The following CCNT1 variants were observed in gnomAD, a reference collection of about 807,000 sequenced individuals.
The protein encoded by CCNT1 is cyclin T1.
In CCNT1, 18 loss-of-function variants were observed where a neutral mutation model predicts 67.3. That is an observed-to-expected ratio of 0.27 (90% CI 0.18 to 0.40). The LOEUF is 0.40. CCNT1 is among the 10% of genes least tolerant of loss of function. The pLI is 1.00. For missense variants in CCNT1, 744 were observed against 884.9 expected (o/e 0.84, Z 2.02); for synonymous variants, 333 against 310.3 (o/e 1.07, Z -0.77).
chr12:48,692,955 T>C lies in CCNT1; in HGVS notation c.*78A>G. 1 of 905,854 alleles carries C rather than the reference T, an allele frequency of 1.1e-6. No homozygotes were observed. The highest frequency in any genetic ancestry group is 1.6e-6 in the Non-Finnish European group (1 of 608,088). 56.1% of individuals were successfully genotyped at this position (905,854 alleles called of 1,614,324 possible). A position where few individuals can be genotyped will look rare whatever the true frequency, so the allele number is the denominator to read the frequency against. On this transcript the variant is annotated 3_prime_UTR_variant, in exon 9 of 9. Transcript: ENST00000261900. ...CAAGGATGACATATTTCATAAGTAA[T>C]TTTCTTAGTCCAAAAAAAAAAAAGA... is the stretch of plus-strand genomic sequence containing the variant.
intron 3 of CCNT1, among the ~76,000 whole-genome samples, chr12:48,702,563 T>A (rs371523460): frequency 6.6e-6 from 1 of 152,154 alleles, no homozygotes; most frequent in African/African-American, 2.4e-5. Context: ...AGCAGGTGTA[T>A]CACGAGGTCA....
chr12:48,699,565 A>G (rs1940231967), intron 5 of CCNT1, among the ~76,000 whole-genome samples: 1 of 152,248 alleles, frequency 6.6e-6, no homozygotes, highest in African/African-American at 2.4e-5. Flanking sequence ...AACATTCTCA[A>G]GAGGTTAGTT....
Position 48,716,704 on chromosome 12 carries a change from G to A in CCNT1, c.-29C>T, listed in dbSNP as rs755139436. On this transcript the variant is annotated 5_prime_UTR_variant, in exon 1 of 9. Coordinates refer to ENST00000261900, the MANE Select transcript of CCNT1 (RefSeq NM_001240.4). The stretch of plus-strand genomic sequence containing the variant: ...GCTTCAACCAGAAGGCAGCGGCGAA[G>A]GCTGCAGGCACTTCCCAGCGTCACC... The A allele has an allele frequency of 1.9e-6, 3 of 1,606,520 alleles. No individual in the cohort carries two copies. Among genetic ancestry groups the A allele is most frequent in the Admixed American group, 1.7e-5 (1 of 59,542 alleles).
Position 48,693,784 on chromosome 12 carries a change from G to A in CCNT1, c.1430C>T (p.Pro477Leu). The part of the protein sequence containing the change: ...AGGDKAASSK[P>L]EEIKMRIKVH... ...TTTTATGCGCATTTTTATCTCCTCTGGTTTTGAAGACGCAGCTTTATCTCC... is the reference window on the plus strand; with the variant it reads ...TTTTATGCGCATTTTTATCTCCTCTAGTTTTGAAGACGCAGCTTTATCTCC... The change falls in exon 9 of 9, where the codon CCA (proline) becomes CTA (leucine). Residue 477 changes from proline to leucine, a missense_variant. By Grantham distance (98) the Pro-to-Leu change is moderately conservative. Coordinates refer to ENST00000261900, the MANE Select transcript of CCNT1 (RefSeq NM_001240.4). 3 of 1,613,964 alleles carry A rather than the reference G, an allele frequency of 1.9e-6. No homozygotes were observed. Among genetic ancestry groups the A allele is most frequent in the Non-Finnish European group, 8.5e-7 (1 of 1,179,952 alleles).
intron 5 of CCNT1, 36 bp from the exon 6 acceptor site, chr12:48,698,219 GAA>G (rs770239664): frequency 2.5e-6 from 3 of 1,199,778 alleles, no homozygotes; most frequent in East Asian, 4.7e-5. Context: ...GGTGGGGGAG[GAA>G]AAAAGTTATT....
chr12:48,693,189 G>A lies in CCNT1; in HGVS notation c.2025C>T (p.Pro675=), dbSNP rs1404292748. The change falls in exon 9 of 9, where the codon CCC becomes CCT. Residue 675 remains proline (P), a synonymous_variant. Coordinates refer to ENST00000261900, the MANE Select transcript of CCNT1 (RefSeq NM_001240.4). ...HSLLSAQGVQ[P]TQPTAFEFVR... ...CAAATTCAAATGCAGTGGGCTGAGT[G>A]GGCTGAACACCCTGGGCACTGAGCA... 1 of 1,614,164 alleles carries A rather than the reference G, an allele frequency of 6.2e-7. No homozygotes were observed. The highest frequency in any genetic ancestry group is 2.2e-5 in the East Asian group (1 of 44,880).
intron 2 of CCNT1, among the ~76,000 whole-genome samples, chr12:48,712,182 T>C (rs1255635430): frequency 6.6e-6 from 1 of 152,178 alleles, no homozygotes; most frequent in Non-Finnish European, 1.5e-5. Context: ...TTTCAGGAGC[T>C]ATGTCTAGCT....
At chr12:48,710,215 A>AAC (rs372582392) in intron 2 of CCNT1, among the ~76,000 whole-genome samples, 1 of 151,944 alleles carries the variant, frequency 6.6e-6, no homozygotes, top group African/African-American at 2.4e-5. Flanking sequence ...TAATAAGAAA[A>AAC]ACACACACAC....
rs188018247 is a variant in CCNT1 at position 48,714,317 on chromosome 12, T to C, written c.243+126A>G. 9.9e-5 allele frequency: 62 copies of C among 624,766 alleles called. 1 individual carries two copies. The highest frequency in any genetic ancestry group is 1.4e-4 in the Non-Finnish European group (49 of 347,448). 38.7% of individuals were successfully genotyped at this position (624,766 alleles called of 1,614,324 possible). The stretch of plus-strand genomic sequence containing the variant: ...TTCAGAACAGCAACACAGCACATAA[T>C]GGAAGTGATCAACCCTAAATTCTAA... On this transcript the variant is annotated intron_variant, in intron 2 of 8. Transcript: ENST00000261900.
In CCNT1 at chr12:48,692,743, T is replaced by C; in HGVS notation, c.*290A>G. 1 of 273,146 alleles carries C rather than the reference T, an allele frequency of 3.7e-6. No homozygotes were observed. The highest frequency in any genetic ancestry group is 6.9e-6 in the Non-Finnish European group (1 of 144,454). 16.9% of individuals were successfully genotyped at this position (273,146 alleles called of 1,614,324 possible). A position where few individuals can be genotyped will look rare whatever the true frequency, so the allele number is the denominator to read the frequency against. On this transcript the variant is annotated 3_prime_UTR_variant, in exon 9 of 9. Coordinates refer to ENST00000261900, the MANE Select transcript of CCNT1 (RefSeq NM_001240.4). ...AGAAGAGGGAAGATATCAACTCCAA[T>C]CAACCTAATTAGATGGTGGAGAGGC...
At chr12:48,697,845 A>T (rs1395049328) in intron 6 of CCNT1, 1 of 88,372 alleles carries the variant, frequency 1.1e-5, no homozygotes, top group Non-Finnish European at 2.3e-5. Context: ...AATTTAAAAA[A>T]AAAAAAAAAA....
chr12:48,698,352 T>G (rs1357674444), intron 5 of CCNT1, among the ~76,000 whole-genome samples, 169 bp from the exon 6 acceptor site: 2 of 152,178 alleles, frequency 1.3e-5, no homozygotes, highest in South Asian at 2.1e-4. Flanking sequence ...TCTGCCAAAG[T>G]AGACAGATCA....
rs956070965 is a variant in CCNT1 at position 48,693,031 on chromosome 12, T to G, written c.*2A>C. ...TTTTTTTCTCCTCTTCTTTTTCTTT[T>G]TTTACTTAGGAAGGGGTGGAAGTGG... is the stretch of plus-strand genomic sequence containing the variant. On this transcript the variant is annotated 3_prime_UTR_variant, in exon 9 of 9. Transcript: ENST00000261900. The G allele has an allele frequency of 6.6e-7, 1 of 1,522,590 alleles. No individual in the cohort carries two copies. The allele number at this position is 1,522,590 out of a possible 1,614,324, so 94.3% of individuals were successfully genotyped here. A position where few individuals can be genotyped will look rare whatever the true frequency, so the allele number is the denominator to read the frequency against.
intron 2 of CCNT1, 142 bp from the exon 3 acceptor site, chr12:48,706,038 G>A (rs774522787): frequency 1.7e-5 from 11 of 650,552 alleles, no homozygotes; most frequent in South Asian, 1.5e-4. Flanking sequence ...CCGCCCCCCC[G>A]CTTCTACCAT....
intron 2 of CCNT1, among the ~76,000 whole-genome samples, chr12:48,714,184 A>T (rs1197382524): frequency 1.3e-5 from 2 of 152,198 alleles, no homozygotes; most frequent in Non-Finnish European, 2.9e-5. Flanking sequence ...CTGGGATTAC[A>T]GTTGTGAGCC....
intron 3 of CCNT1, among the ~76,000 whole-genome samples, chr12:48,703,982 A>T (rs1940314671): frequency 6.6e-6 from 1 of 152,206 alleles, no homozygotes; most frequent in Non-Finnish European, 1.5e-5. Flanking sequence ...AAAAGCTAGA[A>T]ATTATCTAGA....
At chr12:48,697,855 AAT>A (rs72496497) in intron 6 of CCNT1, 135 of 71,966 alleles carry the variant, frequency 1.9e-3, no homozygotes, top group South Asian at 7.5e-3. Context: ...AAAAAAAAAA[AAT>A]ATATATATAT....
In CCNT1 at chr12:48,693,450, TGG is replaced by T; in HGVS notation, c.1762_1763del (p.Pro588SerfsTer8). 1 of 1,614,240 alleles carries T rather than the reference TGG, an allele frequency of 6.2e-7. No homozygotes were observed. Among genetic ancestry groups the T allele is most frequent in the Non-Finnish European group, 8.5e-7 (1 of 1,180,036 alleles). On this transcript the variant is annotated frameshift_variant, in exon 9 of 9. Coordinates refer to ENST00000261900, the MANE Select transcript of CCNT1 (RefSeq NM_001240.4). LOFTEE classifies it high-confidence loss of function. ...ATTTAGTACTCTTGGCAATCTTGGC[TGG>T]ATGATCAAACACAGCCCCTCCAGTC... Reference protein sequence around the residue: ...EETGGAVFDHPAKIAKSTKSS... With the variant: ...EETGGAVFDHXAKIAKSTKSS...
chr12:48,697,929 T>G (rs747087851), intron 6 of CCNT1: 5 of 325,156 alleles, frequency 1.5e-5, no homozygotes, highest in Non-Finnish European at 2.9e-5. Flanking sequence ...GTCACTATCA[T>G]GCAGAACTGA....
Sources: gnomAD v4.1 joint callset for allele counts (sites outside exome capture counted in the v4.1 genomes callset) on GRCh38, gnomAD v4.1.1 for gene constraint, MANE v1.5 for transcripts, NCBI Gene and HGNC (gene_info 2026-07-23, HGNC 2026-07-21) for gene names.